Variants in DOCK3 observed in about 807,000 individuals in gnomAD.
The protein encoded by DOCK3 is dedicator of cytokinesis 3.
A neutral mutation model predicts 265.6 loss-of-function variants in DOCK3; 60 were observed. The ratio of observed to expected loss-of-function variants is 0.23; its 90% confidence interval spans 0.18 to 0.28. The LOEUF (loss-of-function observed/expected upper bound fraction) is 0.28. Ranked by LOEUF, DOCK3 falls within the 10% of genes least tolerant of loss-of-function variation. DOCK3 has a pLI of 1.00. For missense variants in DOCK3, 1,981 were observed against 2,594.3 expected (o/e 0.76, Z 5.14); for synonymous variants, 881 against 938.0 (o/e 0.94, Z 1.11).
intron 1 of DOCK3, among the ~76,000 whole-genome samples, chr3:50,711,212 A>G (rs929568141): frequency 2.0e-5 from 3 of 151,088 alleles, no homozygotes; most frequent in Middle Eastern, 3.2e-3. Flanking sequence ...CATATGTTGA[A>G]CTGACCTTGC....
chr3:51,284,756 G>A (rs556767398), intron 27 of DOCK3, among the ~76,000 whole-genome samples: 23 of 152,152 alleles, frequency 1.5e-4, no homozygotes, highest in East Asian at 3.9e-4. Context: ...ATAAGTCCAA[G>A]TGTACCCATT....
chr3:51,348,042 G>A (rs1311766020), intron 38 of DOCK3, among the ~76,000 whole-genome samples: 4 of 152,206 alleles, frequency 2.6e-5, no homozygotes, highest in South Asian at 2.1e-4. Flanking sequence ...ATTTTGGGCT[G>A]AGACAATGGG....
intron 3 of DOCK3, among the ~76,000 whole-genome samples, chr3:50,858,556 C>A (rs2046740033): frequency 6.6e-6 from 1 of 151,954 alleles, no homozygotes; most frequent in Admixed American, 6.6e-5. Context: ...AGGTGACCTG[C>A]ACTTTCTCTT....
At chr3:50,867,394 A>C (rs1026791672) in intron 3 of DOCK3, among the ~76,000 whole-genome samples, 2 of 152,050 alleles carry the variant, frequency 1.3e-5, no homozygotes, top group Non-Finnish European at 2.9e-5. Flanking sequence ...TTTTCTTTCC[A>C]AATTGGATTC....
At chr3:51,244,606 A>G (rs1372677007) in intron 21 of DOCK3, among the ~76,000 whole-genome samples, 3 of 152,194 alleles carry the variant, frequency 2.0e-5, no homozygotes, top group African/African-American at 4.8e-5. Flanking sequence ...TTTTCTACAT[A>G]TAAGATTATA....
At position 51,139,555 on chromosome 3, in the gene DOCK3, T is replaced by A. The variant is rs9846191; in HGVS notation, c.747-6994T>A. Among the ~76,000 whole-genome samples, 424 of 152,356 alleles carry A rather than the reference T, an allele frequency of 2.8e-3. 3 individuals are homozygous for A. Among genetic ancestry groups the A allele is most frequent in the African/African-American group, 9.8e-3 (406 of 41,578 alleles). ...CCACCTTTTTTCATTCAATATTTAT[T>A]GAGCACCTATTATAGGGTTGGGCTC... On this transcript the variant is annotated intron_variant, in intron 9 of 52. Coordinates refer to ENST00000266037, the MANE Select transcript of DOCK3 (RefSeq NM_004947.5).
intron 9 of DOCK3, among the ~76,000 whole-genome samples, chr3:51,138,884 A>T (rs1341561365): frequency 6.6e-6 from 1 of 152,190 alleles, no homozygotes; most frequent in East Asian, 1.9e-4. Flanking sequence ...ATAATTGGGG[A>T]TTGTTATATG....
chr3:50,769,277 T>C (rs190037919), intron 1 of DOCK3, among the ~76,000 whole-genome samples: 20 of 152,330 alleles, frequency 1.3e-4, no homozygotes, highest in African/African-American at 4.6e-4. Flanking sequence ...ACTGATGTTA[T>C]GAATTGTTTC....
intron 4 of DOCK3, among the ~76,000 whole-genome samples, chr3:50,917,703 T>A (rs1049771487): frequency 2.0e-5 from 3 of 152,134 alleles, no homozygotes; most frequent in Non-Finnish European, 2.9e-5. Flanking sequence ...CATTAATTTT[T>A]TTCAGTTGTC....
At chr3:50,958,027 C>T (rs1437386439) in intron 5 of DOCK3, among the ~76,000 whole-genome samples, 7 of 152,026 alleles carry the variant, frequency 4.6e-5, no homozygotes, top group Non-Finnish European at 8.8e-5. Context: ...CTCTCCTATC[C>T]TGCAGACAAC....
intron 5 of DOCK3, among the ~76,000 whole-genome samples, chr3:51,029,775 A>G (rs2079972185): frequency 6.6e-6 from 1 of 152,150 alleles, no homozygotes; most frequent in Non-Finnish European, 1.5e-5. Flanking sequence ...CTGGTGGTCT[A>G]AGGGTGCAGT....
chr3:51,041,299 G>C (rs1169223006), intron 5 of DOCK3, among the ~76,000 whole-genome samples: 1 of 135,100 alleles, frequency 7.4e-6, no homozygotes, highest in East Asian at 2.5e-4. Flanking sequence ...CTCACTGCAA[G>C]CTCTGCCTCC....
At chr3:50,788,828 G>C (rs569969137) in intron 2 of DOCK3, among the ~76,000 whole-genome samples, 16 of 152,222 alleles carry the variant, frequency 1.1e-4, no homozygotes, top group African/African-American at 3.4e-4. Flanking sequence ...GTGGATGTAC[G>C]TGCAGGGAGG....
intron 4 of DOCK3, among the ~76,000 whole-genome samples, chr3:50,929,634 T>TTTG (rs780143674): frequency 6.3e-4 from 96 of 152,188 alleles, no homozygotes; most frequent in African/African-American, 2.1e-3. Context: ...CTGCTGTGTT[T>TTTG]TTGTTGTTGT....
chr3:50,850,359 C>CAA (rs774057419), intron 3 of DOCK3, among the ~76,000 whole-genome samples: 2,003 of 123,570 alleles, frequency 0.016, 151 homozygotes, highest in Admixed American at 0.14. Context: ...GACTCCATCT[C>CAA]AAAAAAAAAA....
At chr3:51,190,950 G>A (rs113830051) in intron 12 of DOCK3, among the ~76,000 whole-genome samples, 1 of 152,150 alleles carries the variant, frequency 6.6e-6, no homozygotes, top group African/African-American at 2.4e-5. Context: ...ATGGAGGAAG[G>A]TCACTGCCTC....
chr3:50,749,794 A>G (rs1436973195), intron 1 of DOCK3, among the ~76,000 whole-genome samples: 1 of 152,192 alleles, frequency 6.6e-6, no homozygotes, highest in Non-Finnish European at 1.5e-5. Flanking sequence ...ATTTCTACAA[A>G]CATCATTTCA....
intron 13 of DOCK3, among the ~76,000 whole-genome samples, chr3:51,209,732 CTT>C (rs1364008530): frequency 2.0e-5 from 3 of 152,140 alleles, no homozygotes; most frequent in African/African-American, 7.2e-5. Context: ...TTGTAGAAAA[CTT>C]TGTTTTTTCT....
intron 5 of DOCK3, among the ~76,000 whole-genome samples, chr3:50,947,748 T>C (rs1409095848): frequency 1.3e-5 from 2 of 152,126 alleles, no homozygotes; most frequent in Non-Finnish European, 2.9e-5. Flanking sequence ...AGAGGAGATA[T>C]GTCATGCTTA....
Sources: gnomAD v4.1 joint callset for allele counts (sites outside exome capture counted in the v4.1 genomes callset) on GRCh38, gnomAD v4.1.1 for gene constraint, MANE v1.5 for transcripts, NCBI Gene and HGNC (gene_info 2026-07-23, HGNC 2026-07-21) for gene names.